The following DGKI variants were observed in gnomAD, a reference collection of about 807,000 sequenced individuals.
The protein encoded by DGKI is DAG kinase iota.
DGKI carries 55 observed loss-of-function variants against 147.5 expected under a neutral mutation model. That is an observed-to-expected ratio of 0.37 (90% CI 0.30 to 0.47). DGKI has a LOEUF of 0.47. Ranked by LOEUF, DGKI falls within the 20% of genes least tolerant of loss-of-function variation. The pLI is 1.00. For synonymous variants in DGKI, 469 were observed against 477.1 expected (o/e 0.98, Z 0.22); for missense variants, 1,007 against 1,323.8 (o/e 0.76, Z 3.71).
chr7:137,459,212 A>C (rs1191746051), intron 27 of DGKI, among the ~76,000 whole-genome samples: 2 of 152,144 alleles, frequency 1.3e-5, no homozygotes, highest in Non-Finnish European at 2.9e-5. Flanking sequence ...GCCTGAGAAA[A>C]AGGGAGGTTG....
intron 1 of DGKI, among the ~76,000 whole-genome samples, chr7:137,844,126 C>T (rs1798640811): frequency 6.6e-6 from 1 of 152,202 alleles, no homozygotes; most frequent in African/African-American, 2.4e-5. Context: ...ATCCATCCCA[C>T]AGTAAAACAG....
chr7:137,654,166 C>T (rs1296740855), intron 5 of DGKI, among the ~76,000 whole-genome samples: 1 of 151,754 alleles, frequency 6.6e-6, no homozygotes, highest in Non-Finnish European at 1.5e-5. Context: ...GGACTGAGAA[C>T]TGAATATAGT....
intron 28 of DGKI, among the ~76,000 whole-genome samples, chr7:137,435,756 G>A (rs2128913445): frequency 6.6e-6 from 1 of 152,230 alleles, no homozygotes; most frequent in South Asian, 2.1e-4. Context: ...TTAAAGATCT[G>A]CACATATTTC....
At position 137,669,626 on chromosome 7, in the gene DGKI, T is replaced by C. The variant is rs539840993; in HGVS notation, c.606+8931A>G. On this transcript the variant is annotated intron_variant, in intron 3 of 32. Coordinates refer to ENST00000614521, the MANE Select transcript of DGKI (RefSeq NM_001321708.2). ...CAAATGCAGCCTCAATCTAAAATTG[T>C]CATGACAGAAAAGATGACAATTATT... Among the ~76,000 whole-genome samples the C allele has an allele frequency of 7.2e-5, 11 of 152,226 alleles. No homozygotes were observed. The East Asian group carries it at 2.1e-3, about 29-fold the overall frequency.
At chr7:137,805,911 T>C (rs1797350265) in intron 1 of DGKI, among the ~76,000 whole-genome samples, 1 of 152,248 alleles carries the variant, frequency 6.6e-6, no homozygotes, top group Admixed American at 6.5e-5. Context: ...GTCAGAACTG[T>C]GGCCATGAGT....
At chr7:137,600,415 C>T (rs1329795126) in intron 10 of DGKI, among the ~76,000 whole-genome samples, 1 of 152,122 alleles carries the variant, frequency 6.6e-6, no homozygotes, top group Non-Finnish European at 1.5e-5. Context: ...GGGCAAGTTT[C>T]TTCATTTCAT....
At chr7:137,398,955 A>G (rs1007685245) in intron 30 of DGKI, among the ~76,000 whole-genome samples, 1 of 151,456 alleles carries the variant, frequency 6.6e-6, no homozygotes, top group African/African-American at 2.4e-5. Context: ...TGGAGCTCAC[A>G]GTCTTTCATC....
At chr7:137,428,032 TC>T (rs1427704298) in intron 28 of DGKI, among the ~76,000 whole-genome samples, 1 of 149,214 alleles carries the variant, frequency 6.7e-6, no homozygotes, top group Admixed American at 6.7e-5. Context: ...AAAGAGGGAA[TC>T]CTCCCTAACT....
intron 6 of DGKI, among the ~76,000 whole-genome samples, chr7:137,631,783 G>A (rs77566116): frequency 0.016 from 2,376 of 152,246 alleles, 64 homozygotes; most frequent in African/African-American, 0.054. Flanking sequence ...GAATTGCTGT[G>A]ACAGAGGAAG....
intron 3 of DGKI, among the ~76,000 whole-genome samples, chr7:137,658,341 G>A (rs977436153): frequency 1.1e-4 from 16 of 152,132 alleles, no homozygotes; most frequent in Middle Eastern, 3.2e-3. Flanking sequence ...ATCCTGGTGC[G>A]AATCACTGCT....
At chr7:137,800,378 C>T (rs1406164173) in intron 1 of DGKI, among the ~76,000 whole-genome samples, 1 of 152,016 alleles carries the variant, frequency 6.6e-6, no homozygotes, top group Non-Finnish European at 1.5e-5. Flanking sequence ...TGGCTTGGTG[C>T]TGTCCTCAGG....
chr7:137,397,536 G>T, intron 30 of DGKI, 123 bp from the exon 31 acceptor site: 3 of 864,172 alleles, frequency 3.5e-6, no homozygotes, highest in Non-Finnish European at 5.5e-6. Context: ...GGAATAATAA[G>T]ACAGAAAGAA....
intron 1 of DGKI, among the ~76,000 whole-genome samples, chr7:137,735,212 T>G (rs542675130): frequency 6.6e-6 from 1 of 152,284 alleles, no homozygotes; most frequent in South Asian, 2.1e-4. Context: ...GCATTGCATT[T>G]TAGGGCTTCT....
At position 137,485,402 on chromosome 7, in the gene DGKI, G is replaced by A. The variant is rs746715042; in HGVS notation, c.2345C>T (p.Ser782Phe). 5.6e-6 allele frequency: 9 copies of A among 1,608,650 alleles called. No homozygotes were observed. The highest frequency in any genetic ancestry group is 5.5e-5 in the South Asian group (5 of 90,304). The part of the protein sequence containing the change: ...DRLQEDLQSV[S>F]SGSQRVHYQD... ...GTAATGAACTCTCTGGGAGCCAGAA[G>A]AAACTGACTGTAGGTCCTAATGAGA... The change falls in exon 23 of 33, where the codon TCT becomes TTT. Residue 782 changes from serine to phenylalanine, a missense_variant. Physicochemically the swap from Ser to Phe is radical, Grantham distance 155 (BLOSUM62 -2). This residue lies in a region of DGKI where 385 missense variants were observed against 445.2 expected (regional missense o/e 0.86). Transcript: ENST00000614521.
chr7:137,655,341 G>A (rs370834943), intron 4 of DGKI, among the ~76,000 whole-genome samples: 2 of 152,040 alleles, frequency 1.3e-5, no homozygotes, highest in East Asian at 3.9e-4. Context: ...TGGGACTACA[G>A]GTGCGTGCCA....
chr7:137,693,544 A>G lies in DGKI; in HGVS notation c.402-3542T>C, dbSNP rs563024735. Among the ~76,000 whole-genome samples the G allele has an allele frequency of 3.9e-5, 6 of 152,360 alleles. 1 individual carries two copies. The South Asian group carries it at 1.2e-3, about 32-fold the overall frequency. On this transcript the variant is annotated intron_variant, in intron 1 of 32. Transcript: ENST00000614521. Reference sequence around the variant, plus strand: ...AATATAAAAGCCATTATACATTTTAAGTAGCATCATATTATTTTCTTCACT... The same window carrying G: ...AATATAAAAGCCATTATACATTTTAGGTAGCATCATATTATTTTCTTCACT...
chr7:137,477,462 A>C (rs1419781165), intron 23 of DGKI, among the ~76,000 whole-genome samples: 1 of 152,316 alleles, frequency 6.6e-6, no homozygotes, highest in African/African-American at 2.4e-5. Context: ...ACAATACTAC[A>C]CAACCTAAAA....
chr7:137,519,730 T>C (rs1816899269), intron 21 of DGKI, among the ~76,000 whole-genome samples: 1 of 151,956 alleles, frequency 6.6e-6, no homozygotes, highest in Non-Finnish European at 1.5e-5. Context: ...GGCAAAAGAG[T>C]AAAGGTTAGT....
chr7:137,714,244 T>C (rs1794306380), intron 1 of DGKI, among the ~76,000 whole-genome samples: 3 of 152,230 alleles, frequency 2.0e-5, no homozygotes, highest in African/African-American at 4.8e-5. Context: ...ATATCCTTTA[T>C]AGATCTAAAA....
Sources: gnomAD v4.1 joint callset for allele counts (sites outside exome capture counted in the v4.1 genomes callset) on GRCh38, gnomAD v4.1.1 for gene constraint, gnomAD v4.1.1 regional missense constraint, MANE v1.5 for transcripts, NCBI Gene and HGNC (gene_info 2026-07-23, HGNC 2026-07-21) for gene names.